ATP1B3: variants seen among roughly 807,000 people sequenced by gnomAD.
ATP1B3 encodes the protein sodium/potassium-transporting ATPase subunit beta-3.
A neutral mutation model predicts 30.2 loss-of-function variants in ATP1B3; 10 were observed. That is an observed-to-expected ratio of 0.33 (90% CI 0.20 to 0.56). The LOEUF is 0.56. ATP1B3 is among the 20% of genes least tolerant of loss of function. The probability of loss-of-function intolerance (pLI) is 0.90; values close to 1 mark genes in which losing one functional copy is unlikely to be tolerated. For synonymous variants in ATP1B3, 113 were observed against 117.0 expected (o/e 0.97, Z 0.22); for missense variants, 238 against 336.7 (o/e 0.71, Z 2.29).
chr3:141,886,187 C>G (rs1017553606), intron 1 of ATP1B3, among the ~76,000 whole-genome samples: 1 of 152,114 alleles, frequency 6.6e-6, no homozygotes. Flanking sequence ...GAGCTGTTTC[C>G]AACCCTAAGT....
At chr3:141,921,910 T>A in intron 5 of ATP1B3, 67 bp from the exon 6 acceptor site, 1 of 835,784 alleles carries the variant, frequency 1.2e-6, no homozygotes, top group Non-Finnish European at 1.8e-6. Flanking sequence ...ATTCCTTTAA[T>A]TATAAACATA....
chr3:141,912,727 C>T (rs966110371), intron 3 of ATP1B3, among the ~76,000 whole-genome samples: 2 of 152,194 alleles, frequency 1.3e-5, no homozygotes, highest in Non-Finnish European at 2.9e-5. Context: ...GGCTTGCTCA[C>T]TTTGTGCCTC....
chr3:141,904,779 G>A (rs1006829575), intron 2 of ATP1B3, among the ~76,000 whole-genome samples: 2 of 136,216 alleles, frequency 1.5e-5, no homozygotes, highest in East Asian at 2.3e-4. Context: ...GTGTGATCTC[G>A]GCTCACTGCA....
chr3:141,885,916 CACACA>C (rs1396287181), intron 1 of ATP1B3, among the ~76,000 whole-genome samples: 73 of 151,316 alleles, frequency 4.8e-4, no homozygotes, highest in African/African-American at 1.7e-3. Flanking sequence ...CACACACACA[CACACA>C]CACCCCTGTA....
intron 1 of ATP1B3, among the ~76,000 whole-genome samples, chr3:141,895,386 C>T (rs1934045067): frequency 6.6e-6 from 1 of 151,762 alleles, no homozygotes; most frequent in Non-Finnish European, 1.5e-5. Context: ...GACTGGGTTT[C>T]ACCACGTTGG....
At position 141,876,712 on chromosome 3, in the gene ATP1B3, G is replaced by C. The variant is rs1401247068; in HGVS notation, c.-90G>C. 1 of 964,626 alleles carries C rather than the reference G, an allele frequency of 1.0e-6. No homozygotes were observed. The highest frequency in any genetic ancestry group is 1.6e-6 in the Non-Finnish European group (1 of 637,718). The allele number at this position is 964,626 out of a possible 1,614,324, so 59.8% of individuals were successfully genotyped here. A position where few individuals can be genotyped will look rare whatever the true frequency, so the allele number is the denominator to read the frequency against. On this transcript the variant is annotated 5_prime_UTR_variant, in exon 1 of 7. Coordinates refer to ENST00000286371, the MANE Select transcript of ATP1B3 (RefSeq NM_001679.4). ...TCCCACCCTTCACTGCCGTCTCCGG[G>C]CTGCGCCGCCGGAGCCGGGACGCGC... is the stretch of plus-strand genomic sequence containing the variant.
intron 1 of ATP1B3, among the ~76,000 whole-genome samples, chr3:141,883,912 T>C (rs1158713818): frequency 6.6e-6 from 1 of 152,218 alleles, no homozygotes; most frequent in Non-Finnish European, 1.5e-5. Flanking sequence ...AACTTTCTTA[T>C]TGGAGACTCA....
intron 1 of ATP1B3, among the ~76,000 whole-genome samples, chr3:141,882,002 C>T (rs925410853): frequency 6.6e-6 from 1 of 152,018 alleles, no homozygotes. Context: ...TATGGTAGTA[C>T]GAGTGCTTTA....
chr3:141,903,965 G>A (rs544013129), intron 2 of ATP1B3, among the ~76,000 whole-genome samples: 11 of 152,222 alleles, frequency 7.2e-5, no homozygotes, highest in African/African-American at 2.6e-4. Flanking sequence ...TGTATTTTTA[G>A]TAGAGACAGG....
chr3:141,887,268 T>C (rs972934168), intron 1 of ATP1B3, among the ~76,000 whole-genome samples: 3 of 152,136 alleles, frequency 2.0e-5, no homozygotes, highest in African/African-American at 4.8e-5. Flanking sequence ...GAAGTTAGAG[T>C]TGGTGAGTGG....
intron 1 of ATP1B3, chr3:141,902,013 G>T (rs569470591): frequency 6.0e-6 from 4 of 668,248 alleles, no homozygotes; most frequent in Admixed American, 2.6e-5. Context: ...CAGACACCTA[G>T]ATCTCAAAGA....
At chr3:141,877,847 C>G (rs1301619455) in intron 1 of ATP1B3, among the ~76,000 whole-genome samples, 5 of 100,494 alleles carry the variant, frequency 5.0e-5, no homozygotes, top group Non-Finnish European at 1.0e-4. Context: ...TTTTTTTTTG[C>G]CTTTATACTT....
rs1168549266 is a variant in ATP1B3, at chr3:141,889,728, CAAAAAAA to C, written c.109+12835_109+12841del. Among the ~76,000 whole-genome samples, 36 of 48,480 alleles carry C rather than the reference CAAAAAAA, an allele frequency of 7.4e-4. 1 individual carries two copies. The highest frequency in any genetic ancestry group is 2.1e-3 in the South Asian group (2 of 954). 31.8% of individuals were successfully genotyped at this position (48,480 alleles called of 152,430 possible). On this transcript the variant is annotated intron_variant, in intron 1 of 6. Transcript: ENST00000286371. ...GGGCAAAAAGAGCGAGACTCCGTCT[CAAAAAAA>C]AAAAAAAAAAAAAAAATATATACAC...
At chr3:141,893,152 G>A (rs1350217065) in intron 1 of ATP1B3, among the ~76,000 whole-genome samples, 1 of 152,028 alleles carries the variant, frequency 6.6e-6, no homozygotes, top group African/African-American at 2.4e-5. Flanking sequence ...GGGATTACAG[G>A]CACGCACCAC....
chr3:141,876,720 G>GCCGGAGCCGGGACGCGCCT lies in ATP1B3; in HGVS notation c.-78_-60dup, dbSNP rs1165146930. 20 of 1,087,844 alleles carry GCCGGAGCCGGGACGCGCCT rather than the reference G, an allele frequency of 1.8e-5. No homozygotes were observed. The highest frequency in any genetic ancestry group is 2.4e-5 in the Non-Finnish European group (18 of 745,640). The allele number at this position is 1,087,844 out of a possible 1,614,324, so 67.4% of individuals were successfully genotyped here. On this transcript the variant is annotated 5_prime_UTR_variant, in exon 1 of 7. Coordinates refer to ENST00000286371, the MANE Select transcript of ATP1B3 (RefSeq NM_001679.4). The stretch of plus-strand genomic sequence containing the variant: ...TTCACTGCCGTCTCCGGGCTGCGCC[G>GCCGGAGCCGGGACGCGCCT]CCGGAGCCGGGACGCGCCTCCGCAG...
intron 1 of ATP1B3, among the ~76,000 whole-genome samples, chr3:141,900,791 T>C (rs2107771338): frequency 6.6e-6 from 1 of 152,210 alleles, no homozygotes; most frequent in African/African-American, 2.4e-5. Context: ...TTTCTTGTTT[T>C]TGTTTTTTTG....
intron 1 of ATP1B3, among the ~76,000 whole-genome samples, chr3:141,887,815 A>G (rs1409900155): frequency 6.6e-6 from 1 of 152,220 alleles, no homozygotes; most frequent in Non-Finnish European, 1.5e-5. Flanking sequence ...TACATACTAT[A>G]TGGTTTTATT....
chr3:141,890,086 C>CTTTTTTTTTTTTTT (rs1245235657), intron 1 of ATP1B3, among the ~76,000 whole-genome samples: 6 of 107,550 alleles, frequency 5.6e-5, no homozygotes, highest in African/African-American at 1.5e-4. Flanking sequence ...AATTTTTTTT[C>CTTTTTTTTTTTTTT]TTTTTTTTTT....
At chr3:141,879,152 AT>A (rs1017981851) in intron 1 of ATP1B3, among the ~76,000 whole-genome samples, 2 of 151,972 alleles carry the variant, frequency 1.3e-5, no homozygotes, top group East Asian at 1.9e-4. Flanking sequence ...TGTGTATAAC[AT>A]TTTTTTTAAA....
Sources: allele counts gnomAD v4.1 joint callset (sites outside exome capture counted in the v4.1 genomes callset), GRCh38; gene constraint gnomAD v4.1.1; transcripts MANE v1.5; gene names NCBI Gene and HGNC (gene_info 2026-07-23, HGNC 2026-07-21).